CNTNAP3B: variants seen among roughly 807,000 people sequenced by gnomAD.
CNTNAP3B encodes the protein contactin associated protein family member 3B, also known as contactin-associated protein-like 3B.
A neutral mutation model predicts 108.9 loss-of-function variants in CNTNAP3B; 25 were observed. The ratio of observed to expected loss-of-function variants is 0.23; its 90% CI spans 0.17 to 0.32. CNTNAP3B has a LOEUF of 0.32. Ranked by LOEUF, CNTNAP3B falls within the 10% of genes least tolerant of loss-of-function variation. The pLI, the probability that CNTNAP3B is intolerant of heterozygous loss-of-function variation, is 1.00. For synonymous variants in CNTNAP3B, 103 were observed against 473.4 expected, an observed-to-expected ratio of 0.22 and a Z score of 10.16; for missense variants, 252 against 1,210.4, an observed-to-expected ratio of 0.21 and a Z score of 11.75.
intron 1 of CNTNAP3B, 86 bp from the exon 2 acceptor site, chr9:42,104,825 C>A: frequency 4.8e-6 from 2 of 420,564 alleles, no homozygotes; most frequent in South Asian, 2.8e-5. Flanking sequence ...TGAATATATT[C>A]TAGGATGTAT....
At chr9:41,925,895 C>CT (rs1189988536) in intron 15 of CNTNAP3B, among the ~76,000 whole-genome samples, 11 of 152,210 alleles carry the variant, frequency 7.2e-5, no homozygotes, top group African/African-American at 2.4e-4. Flanking sequence ...GTCGTGGTTT[C>CT]TTTTTTAGCA....
At chr9:41,952,043 C>A (rs375183789) in intron 13 of CNTNAP3B, among the ~76,000 whole-genome samples, 16 of 152,378 alleles carry the variant, frequency 1.1e-4, no homozygotes, top group African/African-American at 3.8e-4. Flanking sequence ...CGTGCCACTG[C>A]ACTCCAGCCT....
chr9:41,958,720 C>G (rs1181111889), intron 12 of CNTNAP3B, among the ~76,000 whole-genome samples: 3 of 152,014 alleles, frequency 2.0e-5, no homozygotes, highest in Non-Finnish European at 4.4e-5. Flanking sequence ...CAAAACAAAA[C>G]AAAACAAAAG....
intron 13 of CNTNAP3B, among the ~76,000 whole-genome samples, chr9:41,950,989 C>G (rs62536512): frequency 0.012 from 1,548 of 128,598 alleles, no homozygotes; most frequent in East Asian, 0.043. Flanking sequence ...TTCCTGACCT[C>G]GTGATCCGCC....
chr9:41,924,388 T>A (rs1823751151), intron 15 of CNTNAP3B, among the ~76,000 whole-genome samples: 1 of 152,310 alleles, frequency 6.6e-6, no homozygotes, highest in Admixed American at 6.5e-5. Flanking sequence ...AAGTTCAGAA[T>A]CACCTCAAAG....
intron 13 of CNTNAP3B, among the ~76,000 whole-genome samples, chr9:41,947,621 C>G: frequency 6.6e-6 from 1 of 152,078 alleles, no homozygotes; most frequent in Admixed American, 6.6e-5. Flanking sequence ...TAAGTTCTTA[C>G]CTCTAGAAAC....
At chr9:42,058,045 TC>T (rs1827109647) in intron 3 of CNTNAP3B, among the ~76,000 whole-genome samples, 2 of 139,040 alleles carry the variant, frequency 1.4e-5, no homozygotes, top group South Asian at 4.8e-4. Context: ...AAATAGGATT[TC>T]TTTTATTTTA....
rs1159385201 is a variant in CNTNAP3B, at chr9:42,111,428, T to C, written c.86-6689A>G. Among the ~76,000 whole-genome samples the C allele has an allele frequency of 1.4e-5, 2 of 139,030 alleles. 1 individual carries two copies. The highest frequency in any genetic ancestry group is 3.1e-5 in the Non-Finnish European group (2 of 64,956). 91.2% of individuals were successfully genotyped at this position (139,030 alleles called of 152,430 possible). A position where few individuals can be genotyped will look rare whatever the true frequency, so the allele number is the denominator to read the frequency against. ...GGCATAGTATCTGTAGAACTCAACATTGCTAAGAACAGAAATAAAGGAAAA... is the reference window on the plus strand; with the variant it reads ...GGCATAGTATCTGTAGAACTCAACACTGCTAAGAACAGAAATAAAGGAAAA... On this transcript the variant is annotated intron_variant, in intron 1 of 23. Transcript: ENST00000377561.
intron 3 of CNTNAP3B, among the ~76,000 whole-genome samples, chr9:42,074,980 G>T (rs1243123762): frequency 6.8e-6 from 1 of 146,622 alleles, no homozygotes; most frequent in Non-Finnish European, 1.5e-5. Flanking sequence ...CAAGATCAAG[G>T]TGTCTGCCGG....
chr9:42,075,586 T>A (rs1336205798), intron 3 of CNTNAP3B, among the ~76,000 whole-genome samples: 1 of 121,078 alleles, frequency 8.3e-6, no homozygotes, highest in Non-Finnish European at 1.7e-5. Flanking sequence ...TGACATTGCC[T>A]TGGCTATGGT....
chr9:41,937,138 A>ATTATTT (rs1315289133), intron 14 of CNTNAP3B, among the ~76,000 whole-genome samples: 1 of 149,092 alleles, frequency 6.7e-6, no homozygotes, highest in African/African-American at 2.5e-5. Flanking sequence ...TATTATTATT[A>ATTATTT]TTATTTTGAG....
intron 3 of CNTNAP3B, among the ~76,000 whole-genome samples, chr9:42,076,033 C>T (rs1827480905): frequency 8.4e-6 from 1 of 118,880 alleles, no homozygotes; most frequent in South Asian, 2.7e-4. Flanking sequence ...CAAAGAGGCA[C>T]TGACATATAA....
At chr9:41,921,699 A>C (rs1467788988) in intron 17 of CNTNAP3B, among the ~76,000 whole-genome samples, 1 of 152,284 alleles carries the variant, frequency 6.6e-6, no homozygotes, top group Non-Finnish European at 1.5e-5. Context: ...TAAAGGAAAG[A>C]CTTCCAGAGC....
intron 4 of CNTNAP3B, among the ~76,000 whole-genome samples, chr9:42,011,882 CT>C (rs1217876031): frequency 2.1e-5 from 2 of 97,364 alleles, no homozygotes; most frequent in African/African-American, 4.0e-5. Flanking sequence ...TAAAGAATTA[CT>C]TTTAGCTAGT....
At chr9:41,939,321 C>T (rs1187321180) in intron 13 of CNTNAP3B, among the ~76,000 whole-genome samples, 2 of 152,304 alleles carry the variant, frequency 1.3e-5, no homozygotes, top group Non-Finnish European at 2.9e-5. Flanking sequence ...TTTAAACATG[C>T]TTGATCATGT....
In CNTNAP3B at chr9:41,947,957, CA is replaced by C. The variant is rs1217416560; in HGVS notation, c.2080+5225del. On this transcript the variant is annotated intron_variant, in intron 13 of 23. Coordinates refer to ENST00000377561, the MANE Select transcript of CNTNAP3B (RefSeq NM_001201380.3). ...ATTTCTCAAAAAGTACAAACTACCACAATTCACCTAACATGAAATAGGTAAT... is the reference window on the plus strand; with the variant it reads ...ATTTCTCAAAAAGTACAAACTACCACATTCACCTAACATGAAATAGGTAAT... Among the ~76,000 whole-genome samples the C allele has an allele frequency of 6.6e-5, 10 of 151,502 alleles. No homozygotes were observed. In the East Asian group the frequency reaches 1.9e-3, roughly 29 times the overall value.
intron 3 of CNTNAP3B, among the ~76,000 whole-genome samples, chr9:42,042,162 C>G (rs1587224370): frequency 7.2e-6 from 1 of 138,246 alleles, no homozygotes; most frequent in Non-Finnish European, 1.6e-5. Context: ...AGCACACCAA[C>G]ATGGCACATG....
intron 3 of CNTNAP3B, among the ~76,000 whole-genome samples, chr9:42,031,030 T>C (rs1826515787): frequency 2.0e-5 from 2 of 101,752 alleles, no homozygotes; most frequent in Admixed American, 1.0e-4. Flanking sequence ...TCTCTCCAGG[T>C]TTGAGTCTCT....
intron 13 of CNTNAP3B, among the ~76,000 whole-genome samples, chr9:41,943,345 ATTTTTTTTTTTTTTT>A (rs1165684239): frequency 1.1e-4 from 14 of 132,560 alleles, no homozygotes; most frequent in Non-Finnish European, 2.1e-4. Flanking sequence ...TTGGACAATA[ATTTTTTTTTTTTTTT>A]TTTTTTTTTT....
Sources: allele counts gnomAD v4.1 joint callset (sites outside exome capture counted in the v4.1 genomes callset), GRCh38; gene constraint gnomAD v4.1.1; transcripts MANE v1.5; gene names NCBI Gene and HGNC (gene_info 2026-07-23, HGNC 2026-07-21).